Variants in ANKHD1 observed in about 807,000 individuals in gnomAD.
ANKHD1 encodes the protein ankyrin repeat and KH domain-containing protein 1.
In ANKHD1, 31 loss-of-function variants were observed where a neutral mutation model predicts 230.5. That is an observed-to-expected ratio of 0.13 (90% CI 0.10 to 0.18). The LOEUF (loss-of-function observed/expected upper bound fraction) is 0.18, where lower values mean the gene tolerates loss of function less well. Ranked by LOEUF, ANKHD1 falls within the 10% of genes least tolerant of loss-of-function variation. The pLI is 1.00. For synonymous variants in ANKHD1, 1,074 were observed against 1,117.6 expected (o/e 0.96, Z 0.78); for missense variants, 2,256 against 3,071.3 (o/e 0.73, Z 6.27).
At chr5:140,427,634 G>C (rs544352127) in intron 1 of ANKHD1, among the ~76,000 whole-genome samples, 2,474 of 139,374 alleles carry the variant, frequency 0.018, 41 homozygotes, top group South Asian at 0.049. Flanking sequence ...GGGGCGGCTG[G>C]CCGGGCGGGG....
chr5:140,492,677 GA>G (rs1751860861), intron 14 of ANKHD1, among the ~76,000 whole-genome samples: 1 of 152,186 alleles, frequency 6.6e-6, no homozygotes, highest in African/African-American at 2.4e-5. Context: ...GGTGCTGTGT[GA>G]TGATGTAAGC....
chr5:140,444,269 A>G (rs1316314186), intron 5 of ANKHD1, among the ~76,000 whole-genome samples: 1 of 152,128 alleles, frequency 6.6e-6, no homozygotes, highest in Non-Finnish European at 1.5e-5. Flanking sequence ...TCCTTAACTC[A>G]TACTTCATTG....
chr5:140,537,474 G>C lies in ANKHD1; in HGVS notation c.7113G>C (p.Glu2371Asp). 1 of 1,614,214 alleles carries C rather than the reference G, an allele frequency of 6.2e-7. No individual in the cohort carries two copies. The highest frequency in any genetic ancestry group is 8.5e-7 in the Non-Finnish European group (1 of 1,180,042). The stretch of plus-strand genomic sequence containing the variant: ...AGATACCTCCCCCAATTGGAACAGA[G>C]AGACTGGCCCGAATTCGGCAAGGAG... ...DRKIPPPIGT[E>D]RLARIRQGGS... Residue 2371 changes from glutamate (E) to aspartate (D), a missense_variant, in exon 31 of 34, where the codon GAG (glutamate) becomes GAC (aspartate). Glu to Asp is a conservative substitution (Grantham distance 45). Coordinates refer to ENST00000360839, the MANE Select transcript of ANKHD1 (RefSeq NM_017747.3).
chr5:140,513,724 G>T (rs758725942), intron 24 of ANKHD1, among the ~76,000 whole-genome samples: 19 of 151,258 alleles, frequency 1.3e-4, no homozygotes, highest in Non-Finnish European at 2.2e-4. Flanking sequence ...CAGGAGAATT[G>T]CTTGAGCCCG....
intron 11 of ANKHD1, among the ~76,000 whole-genome samples, chr5:140,483,278 CTT>C: frequency 6.6e-6 from 1 of 152,064 alleles, no homozygotes. Flanking sequence ...CAGCCTAACT[CTT>C]TGTATAGTGT....
intron 10 of ANKHD1, among the ~76,000 whole-genome samples, chr5:140,472,995 A>G (rs1217008469): frequency 6.6e-6 from 1 of 151,612 alleles, no homozygotes; most frequent in Non-Finnish European, 1.5e-5. Flanking sequence ...AATTGTGATT[A>G]GATCACAAAT....
In ANKHD1 at chr5:140,535,511, C is replaced by T; in HGVS notation, c.7000C>T (p.His2334Tyr). 6.2e-7 allele frequency: 1 copy of T among 1,609,304 alleles called. No homozygotes were observed. Among genetic ancestry groups the T allele is most frequent in the South Asian group, 1.1e-5 (1 of 90,130 alleles). ...TTTCAACAGACAACATTTTTCTCCCCATCCTTGGACAAGCGCCTCAAACTC... is the reference window on the plus strand; with the variant it reads ...TTTCAACAGACAACATTTTTCTCCCTATCCTTGGACAAGCGCCTCAAACTC... ...PSFNRQHFSP[H>Y]PWTSASNSST... is the part of the protein sequence containing the mutation. Residue 2334 changes from histidine to tyrosine, a missense_variant, in exon 30 of 34, where the codon CAT (histidine) becomes TAT (tyrosine). Transcript: ENST00000360839.
chr5:140,443,004 C>T (rs922543616), intron 5 of ANKHD1, among the ~76,000 whole-genome samples: 1 of 151,622 alleles, frequency 6.6e-6, no homozygotes, highest in African/African-American at 2.4e-5. Flanking sequence ...CTTCCAGGTT[C>T]ACGCCATTCT....
At chr5:140,531,091 T>G in intron 29 of ANKHD1, among the ~76,000 whole-genome samples, 1 of 152,230 alleles carries the variant, frequency 6.6e-6, no homozygotes, top group South Asian at 2.1e-4. Context: ...GAAAGTAATA[T>G]AGACTTTGAG....
chr5:140,511,609 C>T (rs1432273318), intron 22 of ANKHD1, among the ~76,000 whole-genome samples: 1 of 152,206 alleles, frequency 6.6e-6, no homozygotes, highest in Non-Finnish European at 1.5e-5. Context: ...GCCAACTAGA[C>T]TGGTAGGTCC....
intron 17 of ANKHD1, 111 bp from the exon 18 acceptor site, chr5:140,505,613 G>A (rs938795255): frequency 6.3e-6 from 9 of 1,428,686 alleles, no homozygotes; most frequent in Non-Finnish European, 8.3e-6. Flanking sequence ...CTCATTATCA[G>A]TGTCTGCCCT....
At chr5:140,442,953 T>G (rs112669864) in intron 5 of ANKHD1, among the ~76,000 whole-genome samples, 2,290 of 152,054 alleles carry the variant, frequency 0.015, 61 homozygotes, top group African/African-American at 0.052. Flanking sequence ...TTGCCCAGAC[T>G]GGAGTGCAGT....
chr5:140,409,473 G>A (rs996273594), intron 1 of ANKHD1, among the ~76,000 whole-genome samples: 2 of 151,666 alleles, frequency 1.3e-5, no homozygotes, highest in African/African-American at 2.4e-5. Flanking sequence ...ATATAACTTT[G>A]TATTCTAGTG....
In ANKHD1 at chr5:140,532,436, C is replaced by G. The variant is rs116419802; in HGVS notation, c.6850+2640C>G. On this transcript the variant is annotated intron_variant, in intron 29 of 33. Transcript: ENST00000360839. Reference sequence around the variant, plus strand: ...GTGATAGCTTAGGGGTGCAGAATTTCTTTTTCTTTTTTTTCTTGAGACAGG... The same window carrying G: ...GTGATAGCTTAGGGGTGCAGAATTTGTTTTTCTTTTTTTTCTTGAGACAGG... Among the ~76,000 whole-genome samples the G allele has an allele frequency of 3.7e-3, 555 of 151,938 alleles. 7 individuals are homozygous for G. Among genetic ancestry groups the G allele is most frequent in the African/African-American group, 0.013 (541 of 41,452 alleles).
intron 15 of ANKHD1, among the ~76,000 whole-genome samples, chr5:140,497,677 C>A (rs1425265298): frequency 2.6e-5 from 4 of 152,074 alleles, no homozygotes; most frequent in Non-Finnish European, 5.9e-5. Context: ...TTTAAAATCA[C>A]ACAGCTTTTT....
chr5:140,446,277 A>G (rs1369040620), intron 6 of ANKHD1, among the ~76,000 whole-genome samples: 1 of 152,190 alleles, frequency 6.6e-6, no homozygotes. Context: ...TGATTTTTCC[A>G]ATGTTTATTT....
chr5:140,456,099 T>G (rs1434103947), intron 7 of ANKHD1, among the ~76,000 whole-genome samples: 4 of 152,092 alleles, frequency 2.6e-5, no homozygotes, highest in Non-Finnish European at 5.9e-5. Context: ...ATGAGTGAAC[T>G]CCCATTCACA....
At chr5:140,458,982 A>ATG (rs1775471261) in intron 8 of ANKHD1, 120 bp downstream of exon 8, 3 of 10,210 alleles carry the variant, frequency 2.9e-4, no homozygotes, top group Admixed American at 1.5e-3. Flanking sequence ...ATATATATGC[A>ATG]TATATATATA....
At chr5:140,490,264 C>T (rs1382877142) in intron 14 of ANKHD1, among the ~76,000 whole-genome samples, 3 of 152,122 alleles carry the variant, frequency 2.0e-5, no homozygotes, top group Admixed American at 1.3e-4. Context: ...ACATTTTACT[C>T]CTGTCTGTTT....
Sources: gnomAD v4.1 joint callset for allele counts (sites outside exome capture counted in the v4.1 genomes callset) on GRCh38, gnomAD v4.1.1 for gene constraint, MANE v1.5 for transcripts, NCBI Gene and HGNC (gene_info 2026-07-23, HGNC 2026-07-21) for gene names.